PALLD: variants seen among roughly 807,000 people sequenced by gnomAD.
PALLD encodes palladin, cytoskeletal associated protein.
In PALLD, 61 loss-of-function variants were observed where a neutral mutation model predicts 123.5. The ratio of observed to expected loss-of-function variants is 0.49; its 90% CI spans 0.40 to 0.61. PALLD has a LOEUF of 0.61. PALLD is among the 20% of genes least tolerant of loss of function. The probability of loss-of-function intolerance (pLI) is 0.00; values close to 1 mark genes in which losing one functional copy is unlikely to be tolerated. For missense variants in PALLD, 1,273 were observed against 1,377.0 expected, an observed-to-expected ratio of 0.92 and a Z score of 1.20; for synonymous variants, 465 against 496.4, an observed-to-expected ratio of 0.94 and a Z score of 0.84.
intron 10 of PALLD, among the ~76,000 whole-genome samples, chr4:168,810,165 G>A (rs1208892640): frequency 6.6e-6 from 1 of 151,918 alleles, no homozygotes; most frequent in African/African-American, 2.4e-5. Context: ...TTGAGAGGAG[G>A]ACGGGAAAAG....
chr4:168,900,344 A>G (rs1756231270), intron 14 of PALLD, among the ~76,000 whole-genome samples: 1 of 152,222 alleles, frequency 6.6e-6, no homozygotes. Context: ...GTATTGCACA[A>G]TATTGAACAA....
chr4:168,614,957 C>A (rs1397968887), intron 2 of PALLD, among the ~76,000 whole-genome samples: 1 of 152,076 alleles, frequency 6.6e-6, no homozygotes, highest in Admixed American at 6.6e-5. Context: ...ATTTAAAACA[C>A]AATGGCAGAA....
At chr4:168,579,415 A>G (rs1769992680) in intron 2 of PALLD, among the ~76,000 whole-genome samples, 1 of 152,192 alleles carries the variant, frequency 6.6e-6, no homozygotes, top group Non-Finnish European at 1.5e-5. Flanking sequence ...AATGTTTGAG[A>G]AATTGATTTG....
At chr4:168,813,105 T>TG (rs11405937) in intron 10 of PALLD, among the ~76,000 whole-genome samples, 96,095 of 151,098 alleles carry the variant, frequency 0.64, 31,046 homozygotes, top group Non-Finnish European at 0.69. Context: ...AACGTACTTT[T>TG]GGGGGGGGCG....
At chr4:168,601,111 A>AG (rs1419764549) in intron 2 of PALLD, among the ~76,000 whole-genome samples, 2 of 151,976 alleles carry the variant, frequency 1.3e-5, no homozygotes, top group African/African-American at 4.8e-5. Flanking sequence ...CTTTAAAAAA[A>AG]AAAATCTTAG....
At chr4:168,568,129 A>T (rs1458959640) in intron 2 of PALLD, among the ~76,000 whole-genome samples, 2 of 152,036 alleles carry the variant, frequency 1.3e-5, no homozygotes, top group Non-Finnish European at 2.9e-5. Context: ...TGGTTTTATG[A>T]ATATATTAGT....
chr4:168,915,748 G>A, intron 16 of PALLD, 147 bp from the exon 17 acceptor site: 1 of 643,118 alleles, frequency 1.6e-6, no homozygotes, highest in South Asian at 2.0e-5. Context: ...TTGCTTTTCT[G>A]ATTTTTTAAT....
Position 168,921,501 on chromosome 4 carries a change from C to T in PALLD, c.2851-33C>T. 12 of 1,400,052 alleles carry T rather than the reference C, an allele frequency of 8.6e-6. No homozygotes were observed. In the East Asian group the frequency reaches 8.7e-5, roughly 10 times the overall value. 86.7% of individuals were successfully genotyped at this position (1,400,052 alleles called of 1,614,324 possible). ...CCAGTGATTTCACTCTGTTTTAATA[C>T]AAAAATTTACATGTATTTCTTTTAT... is the stretch of plus-strand genomic sequence containing the variant. On this transcript the variant is annotated intron_variant, in intron 17 of 21. Coordinates refer to ENST00000505667, the MANE Select transcript of PALLD (RefSeq NM_001166108.2).
intron 10 of PALLD, among the ~76,000 whole-genome samples, chr4:168,759,199 AAAAATATATATATATATATATATAT>A (rs1732416323): frequency 2.6e-5 from 1 of 38,394 alleles, no homozygotes; most frequent in Non-Finnish European, 5.0e-5. Flanking sequence ...AAAAAAAAAA[AAAAATATATATATATATATATATAT>A]ATATATATAT....
At chr4:168,559,790 C>A (rs1767678567) in intron 2 of PALLD, among the ~76,000 whole-genome samples, 1 of 151,840 alleles carries the variant, frequency 6.6e-6, no homozygotes, top group Admixed American at 6.6e-5. Flanking sequence ...CAGGCACCTG[C>A]CTGTAGTACC....
intron 10 of PALLD, among the ~76,000 whole-genome samples, chr4:168,770,590 T>C (rs867941112): frequency 3.2e-4 from 49 of 152,328 alleles, no homozygotes; most frequent in Middle Eastern, 3.4e-3. Flanking sequence ...TTTTTTGTAC[T>C]TCTGTCTTTT....
chr4:168,763,460 G>A (rs1483216387), intron 10 of PALLD, among the ~76,000 whole-genome samples: 2 of 152,198 alleles, frequency 1.3e-5, no homozygotes, highest in Non-Finnish European at 2.9e-5. Context: ...AGCCTCACAT[G>A]GAGTAAGAGG....
At chr4:168,816,511 T>A (rs1240066183) in intron 10 of PALLD, among the ~76,000 whole-genome samples, 1 of 151,530 alleles carries the variant, frequency 6.6e-6, no homozygotes, top group Non-Finnish European at 1.5e-5. Flanking sequence ...ATCAGCCAAA[T>A]CTAACTGCCA....
At chr4:168,916,192 C>T (rs886242319) in intron 17 of PALLD, among the ~76,000 whole-genome samples, 165 bp downstream of exon 17, 3 of 152,162 alleles carry the variant, frequency 2.0e-5, no homozygotes, top group Non-Finnish European at 4.4e-5. Flanking sequence ...CCGGGCAGAT[C>T]GCTTGATCCC....
intron 2 of PALLD, among the ~76,000 whole-genome samples, chr4:168,574,460 T>C (rs1019778293): frequency 1.3e-5 from 2 of 152,154 alleles, no homozygotes; most frequent in African/African-American, 4.8e-5. Context: ...AGGCCAGTTA[T>C]AATAAATGAT....
chr4:168,629,222 C>A (rs1041132718), intron 2 of PALLD, among the ~76,000 whole-genome samples: 1 of 152,110 alleles, frequency 6.6e-6, no homozygotes, highest in African/African-American at 2.4e-5. Context: ...CCATGTTGGC[C>A]AGGCTGGTCT....
intron 2 of PALLD, among the ~76,000 whole-genome samples, chr4:168,556,107 T>C (rs1200203307): frequency 6.6e-6 from 1 of 152,008 alleles, no homozygotes; most frequent in Non-Finnish European, 1.5e-5. Context: ...ATACCCTTTT[T>C]TTTTTTGAGA....
intron 10 of PALLD, among the ~76,000 whole-genome samples, chr4:168,837,229 C>T (rs1206210527): frequency 6.6e-6 from 1 of 152,166 alleles, no homozygotes; most frequent in Non-Finnish European, 1.5e-5. Context: ...TAGATGTCAT[C>T]ACCTATGGGA....
intron 10 of PALLD, among the ~76,000 whole-genome samples, chr4:168,802,446 T>C (rs992050784): frequency 5.3e-5 from 8 of 152,150 alleles, no homozygotes; most frequent in African/African-American, 1.9e-4. Context: ...GAACTGGAGG[T>C]CATAATCCTA....
Sources: allele counts gnomAD v4.1 joint callset (sites outside exome capture counted in the v4.1 genomes callset), GRCh38; gene constraint gnomAD v4.1.1; transcripts MANE v1.5; gene names NCBI Gene and HGNC (gene_info 2026-07-23, HGNC 2026-07-21).